The following IL18RAP variants were observed in gnomAD, a reference collection of about 807,000 sequenced individuals.
IL18RAP encodes the protein interleukin-18 receptor accessory protein.
IL18RAP carries 37 observed loss-of-function variants against 58.1 expected under a neutral mutation model. The observed-to-expected ratio is 0.64, with a 90% confidence interval of 0.49 to 0.84. The LOEUF (loss-of-function observed/expected upper bound fraction) is 0.84. Among genes scored for constraint, IL18RAP ranks in the 40% least tolerant of loss-of-function variants. The pLI, the probability that IL18RAP is intolerant of heterozygous loss-of-function variation, is 0.00. For missense variants in IL18RAP, 667 were observed against 704.8 expected (o/e 0.95, Z 0.61); for synonymous variants, 268 against 257.5 (o/e 1.04, Z -0.39).
chr2:102,442,763 C>T (rs553622142), intron 5 of IL18RAP, among the ~76,000 whole-genome samples: 7 of 152,214 alleles, frequency 4.6e-5, no homozygotes, highest in East Asian at 3.9e-4. Context: ...ATTTAAACCA[C>T]GTGCTACAAT....
chr2:102,437,368 T>C lies in IL18RAP; in HGVS notation c.730+6T>C. On this transcript the variant is annotated splice_donor_region_variant and intron_variant, in intron 4 of 9. Transcript: ENST00000687160. Reference sequence around the variant, plus strand: ...TGTTCAAGTGAGAACCATTGGTAAGTGAGATTTTTATCTCAAGATTTGAGA... The same window carrying C: ...TGTTCAAGTGAGAACCATTGGTAAGCGAGATTTTTATCTCAAGATTTGAGA... 1.9e-6 allele frequency: 3 copies of C among 1,603,908 alleles called. No individual in the cohort carries two copies. The highest frequency in any genetic ancestry group is 2.5e-6 in the Non-Finnish European group (3 of 1,176,886).
At chr2:102,444,742 T>C (rs1318322589) in intron 6 of IL18RAP, among the ~76,000 whole-genome samples, 1 of 152,212 alleles carries the variant, frequency 6.6e-6, no homozygotes, top group Non-Finnish European at 1.5e-5. Flanking sequence ...CCCACCTTCT[T>C]TGCCTTGTCC....
At chr2:102,429,036 C>A (rs904841382) in intron 3 of IL18RAP, among the ~76,000 whole-genome samples, 3 of 151,862 alleles carry the variant, frequency 2.0e-5, no homozygotes, top group African/African-American at 7.2e-5. Context: ...ATCCTTGCAT[C>A]CCAGGGATAA....
At position 102,450,948 on chromosome 2, in the gene IL18RAP, A is replaced by G. The variant is rs767429588; in HGVS notation, c.1311A>G (p.Leu437=). The change falls in exon 9 of 10, where the codon CTA becomes CTG. Residue 437 remains leucine (L), a synonymous_variant. Coordinates refer to ENST00000687160, the MANE Select transcript of IL18RAP (RefSeq NM_001393487.1). ...GTGAAGAACACTTGGCCCTGAGCCT[A>G]TTTCCTGATGTTTTAGAAAACAAAT... ...SLSEEHLALS[L]FPDVLENKYG... The G allele has an allele frequency of 1.2e-6, 2 of 1,612,052 alleles. No homozygotes were observed. The highest frequency in any genetic ancestry group is 1.7e-6 in the Non-Finnish European group (2 of 1,179,134).
chr2:102,452,013 A>T lies in IL18RAP; in HGVS notation c.1632A>T (p.Ser544=), dbSNP rs760752870. 30 of 1,614,066 alleles carry T rather than the reference A, an allele frequency of 1.9e-5. No individual in the cohort carries two copies. The Admixed American group carries it at 5.0e-4, about 27-fold the overall frequency. Residue 544 remains serine (S), a synonymous_variant, in exon 10 of 10, where the codon TCA becomes TCT. Transcript: ENST00000687160. The part of the protein sequence containing the change: ...LPTVTWRGLK[S]VPPNSRFWAK... ...CAGTTACTTGGAGAGGCTTAAAATC[A>T]GTTCCTCCCAATTCTAGGTTCTGGG...
rs1266340247 is a variant in IL18RAP at position 102,443,261 on chromosome 2, C to T, written c.858C>T (p.Val286=). 6.2e-7 allele frequency: 1 copy of T among 1,613,806 alleles called. No individual in the cohort carries two copies. Among genetic ancestry groups the T allele is most frequent in the Non-Finnish European group, 8.5e-7 (1 of 1,179,864 alleles). ...RFGFERVFNP[V]IKWYIKDSDL... ...GCTTTGAAAGGGTCTTTAACCCTGT[C>T]ATAAAATGGTACATCAAAGATTCTG... The change falls in exon 6 of 10, where the codon GTC becomes GTT. Residue 286 remains valine, a synonymous_variant. Transcript: ENST00000687160.
intron 7 of IL18RAP, among the ~76,000 whole-genome samples, chr2:102,446,391 C>T (rs534053920): frequency 3.3e-5 from 5 of 152,082 alleles, no homozygotes; most frequent in Non-Finnish European, 7.4e-5. Flanking sequence ...GAGATTTTGG[C>T]ATACCCGTCA....
upstream of IL18RAP, chr2:102,418,824 C>A (rs889429393): frequency 1.3e-5 from 2 of 152,210 alleles, no homozygotes; most frequent in Non-Finnish European, 1.5e-5. Context: ...ATAGTAGAAC[C>A]CTTTGAAAAT....
intron 3 of IL18RAP, among the ~76,000 whole-genome samples, chr2:102,425,304 T>C (rs11465695): frequency 0.011 from 1,708 of 152,230 alleles, 33 homozygotes; most frequent in African/African-American, 0.038. Flanking sequence ...TATCTAATGG[T>C]TTAATGCACC....
Position 102,423,864 on chromosome 2 carries a change from T to C in IL18RAP, c.124T>C (p.Phe42Leu). ...WTYSTRSEEE[F>L]VLFCDLPEPQ... ...ATATTCTACAAGGAGTGAAGAGGAA[T>C]TTGTCTTATTTTGTGATTTACCAGA... Residue 42 changes from phenylalanine (F) to leucine (L), a missense_variant, in exon 2 of 10, where the codon TTT (phenylalanine) becomes CTT (leucine). Coordinates refer to ENST00000687160, the MANE Select transcript of IL18RAP (RefSeq NM_001393487.1). 1 of 1,613,974 alleles carries C rather than the reference T, an allele frequency of 6.2e-7. No individual in the cohort carries two copies. Among genetic ancestry groups the C allele is most frequent in the Non-Finnish European group, 8.5e-7 (1 of 1,179,956 alleles).
chr2:102,441,218 A>T (rs1163596186), intron 4 of IL18RAP, 94 bp from the exon 5 acceptor site: 1 of 893,146 alleles, frequency 1.1e-6, no homozygotes, highest in African/African-American at 1.7e-5. Flanking sequence ...GCTCCAAGAC[A>T]TTTAGATCAA....
At chr2:102,450,761 C>A in intron 8 of IL18RAP, 87 bp from the exon 9 acceptor site, 2 of 677,126 alleles carry the variant, frequency 3.0e-6, no homozygotes, top group Non-Finnish European at 4.6e-6. Flanking sequence ...ATTCATTTAC[C>A]ATATGATTCA....
chr2:102,429,118 A>T (rs554018105), intron 3 of IL18RAP, among the ~76,000 whole-genome samples: 8 of 151,798 alleles, frequency 5.3e-5, no homozygotes, highest in Admixed American at 5.2e-4. Flanking sequence ...TTTGTTGTGG[A>T]TTTTTGCATC....
chr2:102,443,509 T>C (rs1030486025), intron 6 of IL18RAP, among the ~76,000 whole-genome samples, 186 bp downstream of exon 6: 2 of 152,206 alleles, frequency 1.3e-5, no homozygotes, highest in Non-Finnish European at 2.9e-5. Flanking sequence ...TAAACCTCAA[T>C]TTGTAGGAAC....
chr2:102,432,456 C>T (rs781230816), intron 3 of IL18RAP: 39 of 154,456 alleles, frequency 2.5e-4, no homozygotes, highest in Non-Finnish European at 5.0e-4. Context: ...TACATCTGGC[C>T]GAGAAATACT....
intron 3 of IL18RAP, among the ~76,000 whole-genome samples, chr2:102,427,315 C>G (rs550526787): frequency 1.3e-5 from 2 of 152,174 alleles, no homozygotes; most frequent in Non-Finnish European, 2.9e-5. Flanking sequence ...TTTAGTTTTT[C>G]TGATGAGACT....
intron 5 of IL18RAP, 47 bp downstream of exon 5, chr2:102,441,424 C>A: frequency 1.4e-6 from 2 of 1,466,246 alleles, no homozygotes; most frequent in Non-Finnish European, 1.9e-6. Context: ...CTGCTGGGAG[C>A]AGGTCTAAGT....
At chr2:102,448,996 C>T (rs1199064405) in intron 8 of IL18RAP, among the ~76,000 whole-genome samples, 1 of 137,798 alleles carries the variant, frequency 7.3e-6, no homozygotes, top group Non-Finnish European at 1.5e-5. Flanking sequence ...TGACCGGGAG[C>T]AGTGGCTCAC....
rs756319084 is a variant in IL18RAP at position 102,423,820 on chromosome 2, C to CA, written c.87dup (p.Leu30ThrfsTer10). ...TTATTATGATTTTCAGGTTGTTCCA[C>CA]AAAAAAACTCCTTTGGACATATTCT... On this transcript the variant is annotated frameshift_variant, in exon 2 of 10. Coordinates refer to ENST00000687160, the MANE Select transcript of IL18RAP (RefSeq NM_001393487.1). LOFTEE classifies it high-confidence loss of function. 3.7e-6 allele frequency: 6 copies of CA among 1,609,470 alleles called. No homozygotes were observed. The highest frequency in any genetic ancestry group is 5.1e-6 in the Non-Finnish European group (6 of 1,176,668).
Sources: gnomAD v4.1 joint callset for allele counts (sites outside exome capture counted in the v4.1 genomes callset) on GRCh38, gnomAD v4.1.1 for gene constraint, MANE v1.5 for transcripts, NCBI Gene and HGNC (gene_info 2026-07-23, HGNC 2026-07-21) for gene names.